DIS3: variants seen among roughly 807,000 people sequenced by gnomAD.
The protein encoded by DIS3 is DIS3 exosome endoribonuclease and 3'-5' exoribonuclease.
DIS3 carries 103 observed loss-of-function variants against 113.0 expected under a neutral mutation model. That is an observed-to-expected ratio of 0.91 (90% CI 0.78 to 1.07). DIS3 has a LOEUF of 1.07. Among genes scored for constraint, DIS3 ranks in the 50% least tolerant of loss-of-function variants. The pLI is 0.00. For missense variants in DIS3, 1,121 were observed against 1,167.1 expected, an observed-to-expected ratio of 0.96 and a Z score of 0.58; for synonymous variants, 402 against 394.3, an observed-to-expected ratio of 1.02 and a Z score of -0.23.
chr13:72,767,074 C>T (rs2138176774), intron 14 of DIS3, among the ~76,000 whole-genome samples: 1 of 152,208 alleles, frequency 6.6e-6, no homozygotes, highest in East Asian at 1.9e-4. Flanking sequence ...GTATACTTAT[C>T]ACATTTTGAT....
chr13:72,770,449 T>G (rs190831157), intron 13 of DIS3, among the ~76,000 whole-genome samples: 16 of 152,274 alleles, frequency 1.1e-4, no homozygotes, highest in Admixed American at 6.5e-5. Flanking sequence ...CTAGCTTGAC[T>G]GAAAAATTCT....
intron 5 of DIS3, 120 bp downstream of exon 5, chr13:72,775,805 A>G: frequency 1.1e-6 from 1 of 888,220 alleles, no homozygotes; most frequent in Non-Finnish European, 1.6e-6. Flanking sequence ...AAAAGTTACT[A>G]TTTGCTTTAA....
intron 15 of DIS3, among the ~76,000 whole-genome samples, chr13:72,764,937 C>T (rs2033710372): frequency 6.6e-6 from 1 of 152,116 alleles, no homozygotes; most frequent in African/African-American, 2.4e-5. Context: ...CATACTTACA[C>T]AGAAGTTCTA....
Position 72,761,389 on chromosome 13 carries a change from T to G in DIS3, c.2644A>C (p.Asn882His). The G allele has an allele frequency of 6.2e-7, 1 of 1,606,178 alleles. No homozygotes were observed. Among genetic ancestry groups the G allele is most frequent in the Non-Finnish European group, 8.5e-7 (1 of 1,178,262 alleles). The change falls in exon 19 of 21, where the codon AAC (asparagine) becomes CAC (histidine). Residue 882 changes from asparagine (N) to histidine (H), a missense_variant. By Grantham distance (68) the Asn-to-His change is moderately conservative. Around this residue, in one of 3 missense-constraint regions of DIS3, gnomAD observed 861 missense variants for 915.5 expected, o/e 0.94. Coordinates refer to ENST00000377767, the MANE Select transcript of DIS3 (RefSeq NM_014953.5). ...TVFFEEKDKP[N>H]PQLIYDDEIP... is the part of the protein sequence containing the mutation. ...TCATCATCATAAATAAGCTGTGGGT[T>G]TGGTTTGTCCTTTTCTTCAAAAAAG...
rs2033596918 is a variant in DIS3 at position 72,760,514 on chromosome 13, T to A, written c.2793+15A>T. On this transcript the variant is annotated intron_variant, in intron 20 of 20. Transcript: ENST00000377767. ...TTGTTCCATCACAACAAGGAAATTT[T>A]AAGTTTGGCCTTACCTGTGGTTCTA... The A allele has an allele frequency of 6.2e-7, 1 of 1,613,192 alleles. No individual in the cohort carries two copies. The highest frequency in any genetic ancestry group is 8.5e-7 in the Non-Finnish European group (1 of 1,179,502).
Position 72,781,835 on chromosome 13 carries a change from T to G in DIS3, c.-3A>C. 1 of 1,576,236 alleles carries G rather than the reference T, an allele frequency of 6.3e-7. No homozygotes were observed. Among genetic ancestry groups the G allele is most frequent in the Non-Finnish European group, 8.6e-7 (1 of 1,157,778 alleles). ...AAGAACGTCTTGGACTTGAGCATCT[T>G]GCCTCGCCGCGCAGAATCCTAACCC... On this transcript the variant is annotated 5_prime_UTR_variant, in exon 1 of 21. Coordinates refer to ENST00000377767, the MANE Select transcript of DIS3 (RefSeq NM_014953.5).
At chr13:72,760,262 T>C (rs2033591824) in intron 20 of DIS3, among the ~76,000 whole-genome samples, 1 of 151,922 alleles carries the variant, frequency 6.6e-6, no homozygotes, top group Non-Finnish European at 1.5e-5. Context: ...AAATGCAGAG[T>C]TCAAAACTTC....
At position 72,755,258 on chromosome 13, in the gene DIS3, C is replaced by T. The variant is rs375172325; in HGVS notation, c.*4537G>A. On this transcript the variant is annotated 3_prime_UTR_variant, in exon 21 of 21. Coordinates refer to ENST00000377767, the MANE Select transcript of DIS3 (RefSeq NM_014953.5). ...TCAAAGACTAAGCTTAAGAGTTCCTCGCATATATCGTTGTGCACAGGATCA... is the reference window on the plus strand; with the variant it reads ...TCAAAGACTAAGCTTAAGAGTTCCTTGCATATATCGTTGTGCACAGGATCA... The T allele has an allele frequency of 5.9e-4, 890 of 1,510,796 alleles. 11 individuals carry two copies. In the Middle Eastern group the frequency reaches 6.0e-3, roughly 10 times the overall value. 93.6% of individuals were successfully genotyped at this position (1,510,796 alleles called of 1,614,324 possible).
rs1414069990 is a variant in DIS3 at position 72,758,203 on chromosome 13, TA to T, written c.*1591del. On this transcript the variant is annotated 3_prime_UTR_variant, in exon 21 of 21. Coordinates refer to ENST00000377767, the MANE Select transcript of DIS3 (RefSeq NM_014953.5). ...CAACCGCCTACAGTAATCAGTACAGTAATATGCCATACAGGTTTGTAGGTTA... is the reference window on the plus strand; with the variant it reads ...CAACCGCCTACAGTAATCAGTACAGTATATGCCATACAGGTTTGTAGGTTA... 1 of 180,838 alleles carries T rather than the reference TA, an allele frequency of 5.5e-6. No individual in the cohort carries two copies. Among genetic ancestry groups the T allele is most frequent in the Non-Finnish European group, 1.2e-5 (1 of 84,634 alleles). The allele number at this position is 180,838 out of a possible 1,614,324, so 11.2% of individuals were successfully genotyped here. A position where few individuals can be genotyped will look rare whatever the true frequency, so the allele number is the denominator to read the frequency against.
Position 72,778,269 on chromosome 13 carries a change from G to C in DIS3, c.498C>G (p.Asp166Glu). 6.2e-7 allele frequency: 1 copy of C among 1,606,752 alleles called. No homozygotes were observed. Among genetic ancestry groups the C allele is most frequent in the Non-Finnish European group, 8.5e-7 (1 of 1,174,662 alleles). Residue 166 changes from aspartate (D) to glutamate (E), a missense_variant, in exon 3 of 21, where the codon GAC (aspartate) becomes GAG (glutamate). Around this residue, in one of 3 missense-constraint regions of DIS3, gnomAD observed 254 missense variants for 232.2 expected, o/e 1.09. Transcript: ENST00000377767. ...YNEHLKKMSA[D>E]NQLQVIFITN... ...TTATGAAGATAACTTGCAGCTGGTT[G>C]TCTGCTGACATTTTTTTCAAATGTT...
Position 72,753,679 on chromosome 13 carries a change from TC to T in DIS3, c.*6115del. 6.2e-7 allele frequency: 1 copy of T among 1,600,328 alleles called. No homozygotes were observed. The highest frequency in any genetic ancestry group is 8.5e-7 in the Non-Finnish European group (1 of 1,175,264). The stretch of plus-strand genomic sequence containing the variant: ...CCTCACAATATATTTTTTTCTTTTT[TC>T]TCCTGTCAGATGGATAGTGGCTATA... On this transcript the variant is annotated 3_prime_UTR_variant, in exon 21 of 21. Coordinates refer to ENST00000377767, the MANE Select transcript of DIS3 (RefSeq NM_014953.5).
intron 16 of DIS3, among the ~76,000 whole-genome samples, chr13:72,763,211 G>A (rs570724867): frequency 6.6e-6 from 1 of 152,198 alleles, no homozygotes; most frequent in East Asian, 1.9e-4. Flanking sequence ...TGAGGCGGGA[G>A]GATGGCTTGA....
At position 72,772,782 on chromosome 13, in the gene DIS3, AAACT is replaced by A. The variant is rs1566247518; in HGVS notation, c.1293_1296del (p.Glu431AspfsTer33). 3 of 1,613,376 alleles carry A rather than the reference AAACT, an allele frequency of 1.9e-6. No homozygotes were observed. The highest frequency in any genetic ancestry group is 2.5e-6 in the Non-Finnish European group (3 of 1,179,854). ...TGGGGAACATCGTGTTCAAGTAACAAAACTTCTGTTTCAGTCTCTTTCTCTCCAA... is the reference window on the plus strand; with the variant it reads ...TGGGGAACATCGTGTTCAAGTAACAATCTGTTTCAGTCTCTTTCTCTCCAA... On this transcript the variant is annotated frameshift_variant, in exon 9 of 21. Coordinates refer to ENST00000377767, the MANE Select transcript of DIS3 (RefSeq NM_014953.5). LOFTEE classifies it high-confidence loss of function.
intron 6 of DIS3, 141 bp downstream of exon 6, chr13:72,775,070 C>G (rs537521773): frequency 2.2e-6 from 2 of 901,420 alleles, no homozygotes; most frequent in South Asian, 5.6e-5. Context: ...GAGAAAAAAA[C>G]CATGTGTATG....
At position 72,769,326 on chromosome 13, in the gene DIS3, G is replaced by A. The variant is rs571483431; in HGVS notation, c.1756-414C>T. Among the ~76,000 whole-genome samples, 8 of 152,132 alleles carry A rather than the reference G, an allele frequency of 5.3e-5. No homozygotes were observed. The East Asian group carries it at 7.7e-4, about 15-fold the overall frequency. ...GCAAATAATTAAGACTGCAGGAGTC[G>A]AGACACCATGTTTTGCAGGAAATCC... On this transcript the variant is annotated intron_variant, in intron 13 of 20. Coordinates refer to ENST00000377767, the MANE Select transcript of DIS3 (RefSeq NM_014953.5).
At position 72,775,234 on chromosome 13, in the gene DIS3, TCTCCACATCTTCTTCATTTTGA is replaced by T. The variant is rs2033980856; in HGVS notation, c.942_963del (p.Gln315LysfsTer13). The T allele has an allele frequency of 6.2e-7, 1 of 1,613,204 alleles. No individual in the cohort carries two copies. Among genetic ancestry groups the T allele is most frequent in the Admixed American group, 1.7e-5 (1 of 59,908 alleles). On this transcript the variant is annotated frameshift_variant, in exon 6 of 21. Transcript: ENST00000377767. LOFTEE classifies it high-confidence loss of function. Reference sequence around the variant, plus strand: ...ACCATTCGTTCTGTCTCTTCTTCTTTCTCCACATCTTCTTCATTTTGACCTTCATCATGTAAAACCACAGAAG... The same window carrying T: ...ACCATTCGTTCTGTCTCTTCTTCTTTCCTTCATCATGTAAAACCACAGAAG...
At chr13:72,765,919 T>G (rs1266687112) in intron 15 of DIS3, 53 bp downstream of exon 15, 1 of 1,292,708 alleles carries the variant, frequency 7.7e-7, no homozygotes, top group African/African-American at 1.5e-5. Context: ...ACAGTAGACA[T>G]GACAATTAAA....
rs183674145 is a variant in DIS3, at chr13:72,778,160, A to T, written c.580+27T>A. The T allele has an allele frequency of 1.9e-4, 289 of 1,539,172 alleles. 1 individual carries two copies. In the African/African-American group the frequency reaches 3.4e-3, roughly 18 times the overall value. On this transcript the variant is annotated intron_variant, in intron 3 of 20. Coordinates refer to ENST00000377767, the MANE Select transcript of DIS3 (RefSeq NM_014953.5). Reference sequence around the variant, plus strand: ...TTTTTACACGCATTTGCAAACATGCACTAAGTACTTCTACATTTAGACTTA... The same window carrying T: ...TTTTTACACGCATTTGCAAACATGCTCTAAGTACTTCTACATTTAGACTTA...
At chr13:72,772,544 T>C (rs1223526076) in intron 9 of DIS3, 149 bp downstream of exon 9, 4 of 886,502 alleles carry the variant, frequency 4.5e-6, no homozygotes, top group Non-Finnish European at 6.6e-6. Flanking sequence ...AAATGACTTC[T>C]TCTATAATTC....
Sources: allele counts gnomAD v4.1 joint callset (sites outside exome capture counted in the v4.1 genomes callset), GRCh38; gene constraint gnomAD v4.1.1; regional missense constraint gnomAD v4.1.1; transcripts MANE v1.5; gene names NCBI Gene and HGNC (gene_info 2026-07-23, HGNC 2026-07-21).